Variants in KCNIP4 observed in about 807,000 individuals in gnomAD.
KCNIP4 encodes potassium voltage-gated channel interacting protein 4.
KCNIP4 carries 12 observed loss-of-function variants against 34.0 expected under a neutral mutation model. The ratio of observed to expected loss-of-function variants is 0.35; its 90% confidence interval spans 0.23 to 0.57. KCNIP4 has a LOEUF of 0.57. KCNIP4 is among the 20% of genes least tolerant of loss of function. The pLI is 0.83. For missense variants in KCNIP4, 238 were observed against 311.7 expected (o/e 0.76, Z 1.78); for synonymous variants, 124 against 102.2 (o/e 1.21, Z -1.29).
chr4:21,098,456 T>C (rs1269670600), intron 1 of KCNIP4, among the ~76,000 whole-genome samples: 1 of 152,172 alleles, frequency 6.6e-6, no homozygotes, highest in East Asian at 1.9e-4. Flanking sequence ...GACTTTAAAT[T>C]GAAGCCGATA....
At chr4:21,113,895 C>G (rs936669129) in intron 1 of KCNIP4, among the ~76,000 whole-genome samples, 2 of 152,166 alleles carry the variant, frequency 1.3e-5, no homozygotes, top group African/African-American at 2.4e-5. Flanking sequence ...AACTCTAATA[C>G]ACCATAATTA....
intron 1 of KCNIP4, among the ~76,000 whole-genome samples, chr4:21,572,459 T>C (rs1740431596): frequency 6.6e-6 from 1 of 152,068 alleles, no homozygotes; most frequent in South Asian, 2.1e-4. Context: ...GATAAGCCAA[T>C]AAAAACCACA....
At chr4:21,326,289 C>CATATATATAT (rs61553563) in intron 1 of KCNIP4, among the ~76,000 whole-genome samples, 8 of 148,578 alleles carry the variant, frequency 5.4e-5, no homozygotes, top group African/African-American at 2.0e-4. Flanking sequence ...GTTGGATATA[C>CATATATATAT]ATATATATAT....
intron 1 of KCNIP4, among the ~76,000 whole-genome samples, chr4:21,594,541 T>G (rs1742466556): frequency 6.6e-6 from 1 of 152,030 alleles, no homozygotes; most frequent in African/African-American, 2.4e-5. Flanking sequence ...ATAGTAAGTC[T>G]TTGGTAAATA....
At chr4:21,634,223 CAAAAAAAA>C (rs376741978) in intron 1 of KCNIP4, among the ~76,000 whole-genome samples, 1 of 112,520 alleles carries the variant, frequency 8.9e-6, no homozygotes. Flanking sequence ...GTTCTTTCCT[CAAAAAAAA>C]AAAAAAAAAA....
At chr4:21,347,272 A>G (rs570367409) in intron 1 of KCNIP4, among the ~76,000 whole-genome samples, 1 of 152,330 alleles carries the variant, frequency 6.6e-6, no homozygotes, top group East Asian at 1.9e-4. Context: ...CCCTGTGGCT[A>G]GAGGAACCAA....
chr4:21,197,069 GAT>G (rs1756106153), intron 1 of KCNIP4, among the ~76,000 whole-genome samples: 1 of 152,074 alleles, frequency 6.6e-6, no homozygotes, highest in Non-Finnish European at 1.5e-5. Context: ...CTATTTGTGA[GAT>G]TTATCCAAGA....
chr4:21,580,469 C>G (rs959535805), intron 1 of KCNIP4, among the ~76,000 whole-genome samples: 6 of 151,980 alleles, frequency 3.9e-5, no homozygotes, highest in Non-Finnish European at 5.9e-5. Context: ...TGAAGAATCC[C>G]TTGATGGGAT....
At chr4:21,226,239 GA>G (rs1193627588) in intron 1 of KCNIP4, among the ~76,000 whole-genome samples, 4,120 of 108,558 alleles carry the variant, frequency 0.038, 116 homozygotes, top group Admixed American at 0.065. Flanking sequence ...TAGGGGGAGG[GA>G]GGGGGGGAGG....
chr4:21,337,424 A>G (rs1032745374), intron 1 of KCNIP4, among the ~76,000 whole-genome samples: 2 of 152,152 alleles, frequency 1.3e-5, no homozygotes, highest in Non-Finnish European at 2.9e-5. Flanking sequence ...AGGGGGTTTG[A>G]GAAATGGAAA....
intron 1 of KCNIP4, among the ~76,000 whole-genome samples, chr4:21,533,722 C>A (rs183160668): frequency 6.6e-6 from 1 of 152,158 alleles, no homozygotes; most frequent in Admixed American, 6.5e-5. Context: ...TCCTTCTCAG[C>A]GAATACTATA....
intron 2 of KCNIP4, among the ~76,000 whole-genome samples, chr4:20,853,496 A>G (rs191944473): frequency 2.6e-5 from 4 of 152,344 alleles, no homozygotes; most frequent in Admixed American, 2.0e-4. Flanking sequence ...TCAACTCAAG[A>G]TGGATTAAGG....
intron 1 of KCNIP4, among the ~76,000 whole-genome samples, chr4:21,226,902 C>T (rs1577918986): frequency 6.6e-6 from 1 of 152,168 alleles, no homozygotes; most frequent in East Asian, 1.9e-4. Flanking sequence ...GGTACCCTTT[C>T]TGTAAAATGG....
At chr4:20,826,175 C>T (rs933266991) in intron 3 of KCNIP4, among the ~76,000 whole-genome samples, 4 of 152,082 alleles carry the variant, frequency 2.6e-5, no homozygotes, top group Admixed American at 2.6e-4. Flanking sequence ...GTAGAGCATA[C>T]TTTGGGAAAC....
chr4:21,283,498 C>G (rs940536498), intron 1 of KCNIP4, among the ~76,000 whole-genome samples: 1 of 151,570 alleles, frequency 6.6e-6, no homozygotes, highest in African/African-American at 2.4e-5. Context: ...TATCATAGAT[C>G]TTTTCATTTG....
chr4:21,074,206 G>C (rs921493771), intron 1 of KCNIP4, among the ~76,000 whole-genome samples: 2 of 152,190 alleles, frequency 1.3e-5, no homozygotes, highest in African/African-American at 2.4e-5. Flanking sequence ...AGTTTCAGAA[G>C]GAATGGTATC....
chr4:21,747,992 A>G (rs540041122), intron 1 of KCNIP4, among the ~76,000 whole-genome samples: 1 of 152,272 alleles, frequency 6.6e-6, no homozygotes, highest in South Asian at 2.1e-4. Flanking sequence ...AGCCACCAGA[A>G]GCTGGAAGAG....
chr4:21,491,285 A>C (rs573108372), intron 1 of KCNIP4, among the ~76,000 whole-genome samples: 1 of 152,182 alleles, frequency 6.6e-6, no homozygotes, highest in African/African-American at 2.4e-5. Context: ...ATGATCCTTC[A>C]TGGGTTTTTT....
At chr4:20,897,936 G>A (rs537428937) in intron 1 of KCNIP4, among the ~76,000 whole-genome samples, 1 of 152,298 alleles carries the variant, frequency 6.6e-6, no homozygotes, top group East Asian at 1.9e-4. Context: ...CAGATACCTG[G>A]TCAAATATTC....
Sources: allele counts gnomAD v4.1 joint callset (sites outside exome capture counted in the v4.1 genomes callset), GRCh38; gene constraint gnomAD v4.1.1; transcripts MANE v1.5; gene names NCBI Gene and HGNC (gene_info 2026-07-23, HGNC 2026-07-21).